CAMSAP3: variants seen among roughly 807,000 people sequenced by gnomAD.
The protein encoded by CAMSAP3 is calmodulin regulated spectrin associated protein family member 3, also known as calmodulin-regulated spectrin-associated protein 3.
CAMSAP3 carries 34 observed loss-of-function variants against 112.5 expected under a neutral mutation model. That is an observed-to-expected ratio of 0.30 (90% confidence interval 0.23 to 0.40). The LOEUF (loss-of-function observed/expected upper bound fraction) is 0.40. CAMSAP3 is among the 10% of genes least tolerant of loss of function. CAMSAP3 has a pLI of 1.00. For missense variants in CAMSAP3, 1,602 were observed against 1,770.3 expected, an observed-to-expected ratio of 0.90 and a Z score of 1.71; for synonymous variants, 868 against 799.8, an observed-to-expected ratio of 1.09 and a Z score of -1.44.
chr19:7,615,964 C>T lies in CAMSAP3; in HGVS notation c.3112+245C>T, dbSNP rs745846799. Among the ~76,000 whole-genome samples, 290 of 151,946 alleles carry T rather than the reference C, an allele frequency of 1.9e-3. 1 individual carries two copies. Among genetic ancestry groups the T allele is most frequent in the African/African-American group, 6.4e-3 (267 of 41,478 alleles). Reference sequence around the variant, plus strand: ...CAGCACTTTGGGAGGCTGAGGCGGGCGGATCACCTGAGGTCAGGAGTTTGA... The same window carrying T: ...CAGCACTTTGGGAGGCTGAGGCGGGTGGATCACCTGAGGTCAGGAGTTTGA... On this transcript the variant is annotated intron_variant, in intron 13 of 16. Transcript: ENST00000160298. This position sits in a 1 kb window ranked among gnomAD's most constrained non-coding sequence, Gnocchi z 6.5.
Position 7,616,601 on chromosome 19 carries a change from G to C in CAMSAP3, c.3191G>C (p.Gly1064Ala), listed in dbSNP as rs570336721. The C allele has an allele frequency of 1.2e-6, 2 of 1,609,832 alleles. No individual in the cohort carries two copies. The highest frequency in any genetic ancestry group is 1.7e-6 in the Non-Finnish European group (2 of 1,179,466). The change falls in exon 14 of 17, where the codon GGG (glycine) becomes GCG (alanine). Residue 1064 changes from glycine to alanine, a missense_variant. Around this residue, in one of 6 missense-constraint regions of CAMSAP3, gnomAD observed 1,100 missense variants for 1,135.7 expected, o/e 0.97. Transcript: ENST00000160298. ...TVANEAHNNL[G>A]VKRPTSRAPS... is the part of the protein sequence containing the mutation. ...GCCAACGAGGCCCACAATAACCTCG[G>C]GGTGAAGAGGCCCACGTCTCGGTGA...
rs983420146 is a variant in CAMSAP3, at chr19:7,598,859, T to C, written c.148+2709T>C. Among the ~76,000 whole-genome samples, 4 of 152,090 alleles carry C rather than the reference T, an allele frequency of 2.6e-5. 1 individual carries two copies. The highest frequency in any genetic ancestry group is 6.6e-5 in the Admixed American group (1 of 15,266). ...CAGTTCTTTATGCCTTCAGAACAGA[T>C]GTGTGATGTGTGAGGGAAACTCAAG... On this transcript the variant is annotated intron_variant, in intron 1 of 16. Transcript: ENST00000160298.
At chr19:7,602,641 GTTGAGAA>G (rs958726395) in intron 1 of CAMSAP3, among the ~76,000 whole-genome samples, 1 of 150,328 alleles carries the variant, frequency 6.7e-6, no homozygotes, top group Non-Finnish European at 1.5e-5. Flanking sequence ...TGGGTGAGAT[GTTGAGAA>G]TTGTGGGAGA....
In CAMSAP3 at chr19:7,617,376, G is replaced by T. The variant is rs754308415; in HGVS notation, c.3263G>T (p.Arg1088Leu). The change falls in exon 15 of 17, where the codon CGC becomes CTC. Residue 1088 changes from arginine (R) to leucine (L), a missense_variant. Transcript: ENST00000160298. The surrounding 1 kb of genome is among the most constrained non-coding windows in gnomAD (Gnocchi z 7.5). The stretch of plus-strand genomic sequence containing the variant: ...TCCCCAAGCCGCCTGCCTGGAAGCC[G>T]CGAACGGGACTGGGAAAATGGCAGC... ...LMSPSRLPGS[R>L]ERDWENGSNA... is the part of the protein sequence containing the mutation. 1.2e-6 allele frequency: 2 copies of T among 1,614,078 alleles called. No individual in the cohort carries two copies. Among genetic ancestry groups the T allele is most frequent in the East Asian group, 4.5e-5 (2 of 44,870 alleles).
At chr19:7,606,147 TCAAGC>T in intron 2 of CAMSAP3, 119 bp from the exon 3 acceptor site, 1 of 124,638 alleles carries the variant, frequency 8.0e-6, no homozygotes, top group Non-Finnish European at 1.5e-5. Flanking sequence ...CCCCGCCCCC[TCAAGC>T]CCCACCCCCC....
intron 1 of CAMSAP3, among the ~76,000 whole-genome samples, chr19:7,604,957 C>T (rs2030130775): frequency 6.6e-6 from 1 of 152,128 alleles, no homozygotes; most frequent in Non-Finnish European, 1.5e-5. Context: ...TCTAAGTGCC[C>T]ATCAGCTCCC....
In CAMSAP3 at chr19:7,617,699, G is replaced by C. The variant is rs1369497247; in HGVS notation, c.3444+38G>C. 6.2e-7 allele frequency: 1 copy of C among 1,613,134 alleles called. No individual in the cohort carries two copies. The highest frequency in any genetic ancestry group is 1.7e-5 in the Admixed American group (1 of 59,936). ...ACACGTGGGAGTTGGGGGCTGGTGG[G>C]TGGGTGGGTGGCCTGACTTGGCCAG... is the stretch of plus-strand genomic sequence containing the variant. On this transcript the variant is annotated intron_variant, in intron 16 of 16. Coordinates refer to ENST00000160298, the MANE Select transcript of CAMSAP3 (RefSeq NM_020902.2). The surrounding 1 kb of genome is among the most constrained non-coding windows in gnomAD (Gnocchi z 7.5).
Position 7,612,753 on chromosome 19 carries a change from G to A in CAMSAP3, c.2260G>A (p.Ala754Thr), listed in dbSNP as rs1480884388. ...CCCTGGCCCCACGACGGGGCCCAAA[G>A]CTGCATCCCCCAGCCCCGCCCGGCG... ...VIPGPTTGPK[A>T]ASPSPARRVP... Residue 754 changes from alanine to threonine, a missense_variant, in exon 11 of 17, where the codon GCT becomes ACT. Ala to Thr is a moderately conservative substitution (Grantham distance 58). Coordinates refer to ENST00000160298, the MANE Select transcript of CAMSAP3 (RefSeq NM_020902.2). The A allele has an allele frequency of 4.6e-6, 7 of 1,532,418 alleles. No individual in the cohort carries two copies. The highest frequency in any genetic ancestry group is 4.1e-5 in the African/African-American group (3 of 72,532). 94.9% of individuals were successfully genotyped at this position (1,532,418 alleles called of 1,614,324 possible).
In CAMSAP3 at chr19:7,605,303, C is replaced by G. The variant is rs750272155; in HGVS notation, c.226C>G (p.Arg76Gly). 1 of 1,611,404 alleles carries G rather than the reference C, an allele frequency of 6.2e-7. No homozygotes were observed. Among genetic ancestry groups the G allele is most frequent in the East Asian group, 2.2e-5 (1 of 44,708 alleles). Residue 76 changes from arginine (R) to glycine (G), a missense_variant, in exon 2 of 17, where the codon CGG (arginine) becomes GGG (glycine). Around this residue, in one of 6 missense-constraint regions of CAMSAP3, gnomAD observed 147 missense variants for 144.6 expected, o/e 1.02. Coordinates refer to ENST00000160298, the MANE Select transcript of CAMSAP3 (RefSeq NM_020902.2). The stretch of plus-strand genomic sequence containing the variant: ...GGAGCATGTGAAGCCCCCGGTGACA[C>G]GGCTGCTGCTCTCAGCCGAGCTCTA... ...AQEHVKPPVT[R>G]LLLSAELYCR...
Position 7,615,033 on chromosome 19 carries a change from G to C in CAMSAP3, c.2671-150G>C. ...GTGTCCCAGTACTTAGTGTGGGGCTGTGCATACAGTAGGCACCAACTAAGT... is the reference window on the plus strand; with the variant it reads ...GTGTCCCAGTACTTAGTGTGGGGCTCTGCATACAGTAGGCACCAACTAAGT... On this transcript the variant is annotated intron_variant, in intron 11 of 16. Transcript: ENST00000160298. This position sits in a 1 kb window ranked among gnomAD's most constrained non-coding sequence, Gnocchi z 6.5. 1.1e-6 allele frequency: 1 copy of C among 872,850 alleles called. No homozygotes were observed. The highest frequency in any genetic ancestry group is 1.6e-5 in the South Asian group (1 of 62,568). 54.1% of individuals were successfully genotyped at this position (872,850 alleles called of 1,614,324 possible).
Position 7,612,130 on chromosome 19 carries a change from G to T in CAMSAP3, c.1637G>T (p.Gly546Val). 6.2e-7 allele frequency: 1 copy of T among 1,612,650 alleles called. No homozygotes were observed. The highest frequency in any genetic ancestry group is 8.5e-7 in the Non-Finnish European group (1 of 1,179,770). Residue 546 changes from glycine to valine, a missense_variant, in exon 11 of 17, where the codon GGG becomes GTG. Gly to Val is a moderately radical substitution (Grantham distance 109, BLOSUM62 -3). Around this residue, in one of 6 missense-constraint regions of CAMSAP3, gnomAD observed 1,100 missense variants for 1,135.7 expected, o/e 0.97. Transcript: ENST00000160298. Reference protein sequence around the residue: ...EASKPPAPSEGSPKAVASSPA... With the variant: ...EASKPPAPSEVSPKAVASSPA... ...TCGAAACCGCCAGCCCCATCCGAGG[G>T]GTCCCCGAAGGCGGTGGCTTCGTCC...
rs550722498 is a variant in CAMSAP3 at position 7,618,135 on chromosome 19, T to C, written c.*78T>C. The C allele has an allele frequency of 2.7e-6, 4 of 1,492,642 alleles. No individual in the cohort carries two copies. The highest frequency in any genetic ancestry group is 3.6e-6 in the Non-Finnish European group (4 of 1,105,126). The allele number at this position is 1,492,642 out of a possible 1,614,324, so 92.5% of individuals were successfully genotyped here. A position where few individuals can be genotyped will look rare whatever the true frequency, so the allele number is the denominator to read the frequency against. ...CTGGAGGACAGTCAGTCGGTATTCC[T>C]GGGTCCTGTCTGTCCCCAACCGTGT... On this transcript the variant is annotated 3_prime_UTR_variant, in exon 17 of 17. Coordinates refer to ENST00000160298, the MANE Select transcript of CAMSAP3 (RefSeq NM_020902.2).
At chr19:7,597,819 C>T (rs1310521218) in intron 1 of CAMSAP3, among the ~76,000 whole-genome samples, 3 of 152,148 alleles carry the variant, frequency 2.0e-5, no homozygotes, top group Non-Finnish European at 2.9e-5. Flanking sequence ...GCAAAGCAAA[C>T]TTCTGATGAG....
At position 7,611,979 on chromosome 19, in the gene CAMSAP3, C is replaced by T. The variant is rs763803762; in HGVS notation, c.1486C>T (p.Leu496=). ...HSPEGPSKPS[L]ASPYLPEGTS... ...CCCTGAGGGGCCCTCCAAGCCATCC[C>T]TGGCCTCCCCCTACCTGCCCGAGGG... The change falls in exon 11 of 17, where the codon CTG becomes TTG. Residue 496 remains leucine, a synonymous_variant. Coordinates refer to ENST00000160298, the MANE Select transcript of CAMSAP3 (RefSeq NM_020902.2). This position sits in a 1 kb window ranked among gnomAD's most constrained non-coding sequence, Gnocchi z 6.9. 1 of 1,612,192 alleles carries T rather than the reference C, an allele frequency of 6.2e-7. No individual in the cohort carries two copies. The highest frequency in any genetic ancestry group is 1.1e-5 in the South Asian group (1 of 91,004).
intron 14 of CAMSAP3, 23 bp downstream of exon 14, chr19:7,616,645 G>A (rs1402371117): frequency 1.3e-6 from 2 of 1,561,470 alleles, no homozygotes; most frequent in South Asian, 1.1e-5. Context: ...CGCACAGGCG[G>A]GGTTCGTATG....
At chr19:7,598,661 G>A (rs1198573895) in intron 1 of CAMSAP3, among the ~76,000 whole-genome samples, 2 of 152,162 alleles carry the variant, frequency 1.3e-5, no homozygotes, top group Non-Finnish European at 2.9e-5. Flanking sequence ...GATGGCACAC[G>A]TCTGTAGTCC....
chr19:7,604,164 A>G (rs1366583756), intron 1 of CAMSAP3, among the ~76,000 whole-genome samples: 1 of 152,106 alleles, frequency 6.6e-6, no homozygotes, highest in Non-Finnish European at 1.5e-5. Flanking sequence ...GCAGATTAGA[A>G]CAAGAGCTGG....
rs111758642 is a variant in CAMSAP3 at position 7,613,661 on chromosome 19, G to C, written c.2670+498G>C. On this transcript the variant is annotated intron_variant, in intron 11 of 16. Transcript: ENST00000160298. Reference sequence around the variant, plus strand: ...GAGAAACAGGGAGGAGTCATGGATAGACAGATGGATGAATGGCTGGTTGCA... The same window carrying C: ...GAGAAACAGGGAGGAGTCATGGATACACAGATGGATGAATGGCTGGTTGCA... 5.5e-3 allele frequency among the ~76,000 whole-genome samples: 836 copies of C among 152,064 alleles called. 12 individuals carry two copies. Among genetic ancestry groups the C allele is most frequent in the African/African-American group, 0.019 (801 of 41,444 alleles).
chr19:7,597,005 C>T (rs1277779673), intron 1 of CAMSAP3, among the ~76,000 whole-genome samples: 2 of 152,202 alleles, frequency 1.3e-5, no homozygotes, highest in Admixed American at 6.5e-5. Flanking sequence ...TCAGTCTCGG[C>T]TTTGGGCAGC....
Sources: gnomAD v4.1 joint callset for allele counts (sites outside exome capture counted in the v4.1 genomes callset) on GRCh38, gnomAD v4.1.1 for gene constraint, gnomAD v4.1.1 regional missense constraint, Gnocchi (gnomAD v3.1) non-coding constraint, MANE v1.5 for transcripts, NCBI Gene and HGNC (gene_info 2026-07-23, HGNC 2026-07-21) for gene names.